Variants in MOSPD2 observed in about 807,000 individuals in gnomAD.
MOSPD2 encodes motile sperm domain containing 2.
A neutral mutation model predicts 41.7 loss-of-function variants in MOSPD2; 5 were observed. The observed-to-expected ratio is 0.12, with a 90% CI of 0.06 to 0.25. The LOEUF (loss-of-function observed/expected upper bound fraction) is 0.25, where lower values mean the gene tolerates loss of function less well. Among genes scored for constraint, MOSPD2 ranks in the 10% least tolerant of loss-of-function variants. The pLI is 1.00. For synonymous variants in MOSPD2, 115 were observed against 126.9 expected (o/e 0.91, Z 0.63); for missense variants, 282 against 375.2 (o/e 0.75, Z 2.05).
At chrX:14,899,818 A>G (rs1019199238) in intron 5 of MOSPD2, among the ~76,000 whole-genome samples, 3 of 110,297 alleles carry the variant, frequency 2.7e-5, no homozygotes, top group South Asian at 7.6e-4. Flanking sequence ...AAGATGGCCA[A>G]TCAGAATTAG....
chrX:14,910,960 A>AC (rs3055143), intron 8 of MOSPD2, among the ~76,000 whole-genome samples: 15 of 110,351 alleles, frequency 1.4e-4, no homozygotes, highest in Middle Eastern at 4.6e-3. Flanking sequence ...ACACACACAC[A>AC]AACAACATAT....
chrX:14,912,403 T>C, intron 10 of MOSPD2, 42 bp downstream of exon 10: 4 of 890,839 alleles, frequency 4.5e-6, no homozygotes, highest in Non-Finnish European at 6.1e-6. Flanking sequence ...TTATAACATA[T>C]CTTGATCACC....
chrX:14,918,547 A>T, intron 13 of MOSPD2, 133 bp from the exon 14 acceptor site: 1 of 451,697 alleles, frequency 2.2e-6, no homozygotes, highest in Non-Finnish European at 3.8e-6. Flanking sequence ...GTCTTAGGTG[A>T]ACCTGGGGAA....
rs767527870 is a variant in MOSPD2, at chrX:14,916,309, C to G, written c.1299C>G (p.Asn433Lys). Reference sequence around the variant, plus strand: ...AGTTTTGGAAAGAAGTTCCCAGAAACAAAGTGATGGAACATAGGTAAGCTT... The same window carrying G: ...AGTTTTGGAAAGAAGTTCCCAGAAAGAAAGTGATGGAACATAGGTAAGCTT... ...LTQFWKEVPR[N>K]KVMEHRLRCH... The change falls in exon 13 of 15, where the codon AAC becomes AAG. Residue 433 changes from asparagine to lysine, a missense_variant. Physicochemically the swap from Asn to Lys is moderately conservative, Grantham distance 94. This residue lies in a region of MOSPD2 where 94 missense variants were observed against 102.1 expected (regional missense o/e 0.92). Coordinates refer to ENST00000380492, the MANE Select transcript of MOSPD2 (RefSeq NM_152581.4). 2 of 1,211,655 alleles carry G rather than the reference C, an allele frequency of 1.7e-6. No homozygotes were observed. The highest frequency in any genetic ancestry group is 4.3e-5 in the Admixed American group (2 of 46,047).
chrX:14,903,043 T>A, intron 7 of MOSPD2, 39 bp downstream of exon 7: 1 of 904,634 alleles, frequency 1.1e-6, no homozygotes, highest in African/African-American at 1.9e-5. Flanking sequence ...AAATGTCTAA[T>A]TTCCTTTACT....
At chrX:14,908,761 G>T in intron 7 of MOSPD2, 99 bp from the exon 8 acceptor site, 6 of 797,707 alleles carry the variant, frequency 7.5e-6, no homozygotes, top group Non-Finnish European at 8.7e-6. Context: ...ACAGATTATA[G>T]CCCAAACTGA....
chrX:14,910,739 G>A (rs1214801162), intron 8 of MOSPD2, among the ~76,000 whole-genome samples: 1 of 111,261 alleles, frequency 9.0e-6, no homozygotes, highest in Non-Finnish European at 1.9e-5. Context: ...TGCCAGCATC[G>A]CATATTCTCA....
intron 14 of MOSPD2, among the ~76,000 whole-genome samples, 169 bp downstream of exon 14, chrX:14,918,951 G>A (rs1336407605): frequency 1.8e-5 from 2 of 112,206 alleles, no homozygotes; most frequent in African/African-American, 6.5e-5. Flanking sequence ...GCCAAGTGTG[G>A]TGCTGCCTGT....
intron 2 of MOSPD2, among the ~76,000 whole-genome samples, chrX:14,881,307 G>T (rs187908519): frequency 2.7e-5 from 3 of 109,580 alleles, no homozygotes; most frequent in African/African-American, 1.0e-4. Context: ...AGACAAAGTG[G>T]TTAGAGAAGT....
In MOSPD2 at chrX:14,902,947, AT is replaced by A. The variant is rs750065408; in HGVS notation, c.539-11del. 25 of 1,126,795 alleles carry A rather than the reference AT, an allele frequency of 2.2e-5. No homozygotes were observed. Among genetic ancestry groups the A allele is most frequent in the Middle Eastern group, 2.5e-4 (1 of 4,063 alleles). 92.9% of individuals were successfully genotyped at this position (1,126,795 alleles called of 1,213,427 possible). A position where few individuals can be genotyped will look rare whatever the true frequency, so the allele number is the denominator to read the frequency against. On this transcript the variant is annotated intron_variant, in intron 6 of 14. Coordinates refer to ENST00000380492, the MANE Select transcript of MOSPD2 (RefSeq NM_152581.4). ...AGAGGTACTGATTCACATTCAATGA[AT>A]TTTTTTTCATCTTTCAGCAAAAATA...
chrX:14,914,013 G>C (rs1464413090), intron 10 of MOSPD2, among the ~76,000 whole-genome samples: 1 of 111,755 alleles, frequency 8.9e-6, no homozygotes, highest in African/African-American at 3.2e-5. Context: ...CTATTACTTA[G>C]AAAAGCTGCT....
intron 11 of MOSPD2, 47 bp downstream of exon 11, chrX:14,914,646 G>A (rs2147503399): frequency 1.3e-6 from 1 of 756,325 alleles, no homozygotes; most frequent in African/African-American, 2.1e-5. Flanking sequence ...AATTTGACAT[G>A]GGAAGTGATT....
chrX:14,892,603 G>C, intron 2 of MOSPD2, 120 bp from the exon 3 acceptor site: 2 of 528,376 alleles, frequency 3.8e-6, no homozygotes, highest in Non-Finnish European at 3.2e-6. Context: ...CTACATCCCT[G>C]AGTCTATCCT....
At chrX:14,887,170 T>G (rs1203854806) in intron 2 of MOSPD2, among the ~76,000 whole-genome samples, 1 of 112,150 alleles carries the variant, frequency 8.9e-6, no homozygotes, top group Non-Finnish European at 1.9e-5. Flanking sequence ...GAGTTATATG[T>G]TTGCTGCTTT....
chrX:14,873,869 A>G, intron 2 of MOSPD2, 111 bp downstream of exon 2: 1 of 630,078 alleles, frequency 1.6e-6, no homozygotes, highest in Non-Finnish European at 2.7e-6. Flanking sequence ...TTCGACCCTC[A>G]CAGGAATGAT....
chrX:14,920,135 A>T lies in MOSPD2; in HGVS notation c.*326A>T. ...AGCTTAAGTTTTATCGTGTAAATAC[A>T]TTAGCTAAACTGAAAAGTATAAGTA... On this transcript the variant is annotated 3_prime_UTR_variant, in exon 15 of 15. Transcript: ENST00000380492. 1.3e-6 allele frequency: 1 copy of T among 743,435 alleles called. No individual in the cohort carries two copies. Among genetic ancestry groups the T allele is most frequent in the Non-Finnish European group, 1.6e-6 (1 of 625,875 alleles). The allele number at this position is 743,435 out of a possible 1,213,427, so 61.3% of individuals were successfully genotyped here.
At chrX:14,913,116 G>A (rs1449011439) in intron 10 of MOSPD2, among the ~76,000 whole-genome samples, 1 of 112,078 alleles carries the variant, frequency 8.9e-6, no homozygotes, top group Non-Finnish European at 1.9e-5. Context: ...CCATCTATAT[G>A]TATGAAAGAC....
intron 7 of MOSPD2, 145 bp from the exon 8 acceptor site, chrX:14,908,715 A>G: frequency 2.2e-6 from 1 of 459,269 alleles, no homozygotes; most frequent in Non-Finnish European, 3.4e-6. Flanking sequence ...AAATTAGAGA[A>G]TGTTAATTAA....
intron 4 of MOSPD2, among the ~76,000 whole-genome samples, 156 bp from the exon 5 acceptor site, chrX:14,896,928 G>A (rs985822865): frequency 1.8e-5 from 2 of 112,502 alleles, no homozygotes; most frequent in African/African-American, 3.2e-5. Flanking sequence ...AGGCACCCAA[G>A]TGCAACAGTT....
Sources: gnomAD v4.1 joint callset for allele counts (sites outside exome capture counted in the v4.1 genomes callset) on GRCh38, gnomAD v4.1.1 for gene constraint, gnomAD v4.1.1 regional missense constraint, MANE v1.5 for transcripts, NCBI Gene and HGNC (gene_info 2026-07-23, HGNC 2026-07-21) for gene names.